Variants in RALGAPB observed in about 807,000 individuals in gnomAD.
The protein encoded by RALGAPB is ral GTPase-activating protein subunit beta.
Under a neutral mutation model 161.1 loss-of-function variants are expected in RALGAPB, and 25 were observed. That is an observed-to-expected ratio of 0.16 (90% CI 0.11 to 0.22). The LOEUF (loss-of-function observed/expected upper bound fraction) is 0.22. Among genes scored for constraint, RALGAPB ranks in the 10% least tolerant of loss-of-function variants. The pLI, the probability that RALGAPB is intolerant of heterozygous loss-of-function variation, is 1.00. For missense variants in RALGAPB, 1,391 were observed against 1,815.2 expected (o/e 0.77, Z 4.25); for synonymous variants, 629 against 626.1 (o/e 1.00, Z -0.07).
intron 28 of RALGAPB, among the ~76,000 whole-genome samples, chr20:38,571,179 T>G (rs1228189961): frequency 6.6e-6 from 1 of 152,140 alleles, no homozygotes; most frequent in Non-Finnish European, 1.5e-5. Context: ...TCTCCAGAAG[T>G]TTTCTCCTGC....
At position 38,513,453 on chromosome 20, in the gene RALGAPB, C is replaced by T. The variant is rs4811983; in HGVS notation, c.873-2739C>T. 9.0e-3 allele frequency among the ~76,000 whole-genome samples: 1,058 copies of T among 117,326 alleles called. 46 individuals are homozygous for T. The Admixed American group carries it at 0.096, about 11-fold the overall frequency. The allele number at this position is 117,326 out of a possible 152,430, so 77.0% of individuals were successfully genotyped here. On this transcript the variant is annotated intron_variant, in intron 6 of 29. Coordinates refer to ENST00000262879, the MANE Select transcript of RALGAPB (RefSeq NM_020336.4). ...GGGAAGCAGAGGTTGCACTCCAGCCCGGGCGACAGAGCGGCGGCGGTGGGG... is the reference window on the plus strand; with the variant it reads ...GGGAAGCAGAGGTTGCACTCCAGCCTGGGCGACAGAGCGGCGGCGGTGGGG...
At chr20:38,500,620 A>G (rs1414673280) in intron 5 of RALGAPB, among the ~76,000 whole-genome samples, 1 of 152,196 alleles carries the variant, frequency 6.6e-6, no homozygotes, top group African/African-American at 2.4e-5. Flanking sequence ...GAATAGTTGG[A>G]TGTCTCTCAC....
intron 1 of RALGAPB, among the ~76,000 whole-genome samples, chr20:38,481,278 T>C (rs1019268069): frequency 6.6e-6 from 1 of 152,190 alleles, no homozygotes; most frequent in Admixed American, 6.5e-5. Flanking sequence ...TTCTAACTTA[T>C]GTTATAGTTA....
chr20:38,566,980 G>A (rs1238552190), intron 25 of RALGAPB, 116 bp from the exon 26 acceptor site: 7 of 1,437,482 alleles, frequency 4.9e-6, no homozygotes, highest in East Asian at 2.4e-5. Flanking sequence ...CCTTGCTCTC[G>A]AAGCAATGCT....
At chr20:38,564,761 C>T (rs1363168902) in intron 24 of RALGAPB, among the ~76,000 whole-genome samples, 2 of 152,116 alleles carry the variant, frequency 1.3e-5, no homozygotes, top group Non-Finnish European at 1.5e-5. Flanking sequence ...CTTGAGGAGC[C>T]ATAGAGAGAG....
In RALGAPB at chr20:38,576,221, T is replaced by G. The variant is rs531321451; in HGVS notation, c.*1254T>G. The G allele has an allele frequency of 6.5e-6, 1 of 152,806 alleles. No homozygotes were observed. Among genetic ancestry groups the G allele is most frequent in the African/African-American group, 2.4e-5 (1 of 41,592 alleles). 9.5% of individuals were successfully genotyped at this position (152,806 alleles called of 1,614,324 possible). ...GCTCATTTATCCTATTCTCATGTGC[T>G]TTCTTCTTTAGTAAGATTATTTTAA... On this transcript the variant is annotated 3_prime_UTR_variant, in exon 30 of 30. Coordinates refer to ENST00000262879, the MANE Select transcript of RALGAPB (RefSeq NM_020336.4).
chr20:38,546,171 A>T, intron 18 of RALGAPB, 72 bp from the exon 19 acceptor site: 1 of 1,600,708 alleles, frequency 6.2e-7, no homozygotes, highest in Non-Finnish European at 8.5e-7. Context: ...GTGGAAGGGG[A>T]CACATTGATG....
At chr20:38,486,994 G>A (rs1023049861) in intron 1 of RALGAPB, among the ~76,000 whole-genome samples, 1 of 152,196 alleles carries the variant, frequency 6.6e-6, no homozygotes, top group Non-Finnish European at 1.5e-5. Flanking sequence ...TAATGAATGA[G>A]CTAATGGCAG....
At chr20:38,511,033 G>A (rs1045602645) in intron 6 of RALGAPB, among the ~76,000 whole-genome samples, 1 of 152,198 alleles carries the variant, frequency 6.6e-6, no homozygotes, top group Non-Finnish European at 1.5e-5. Flanking sequence ...CTCCATTAGG[G>A]CCTCAGTGTT....
intron 13 of RALGAPB, 110 bp from the exon 14 acceptor site, chr20:38,531,057 T>TGCTCAA: frequency 1.1e-6 from 1 of 933,264 alleles, no homozygotes; most frequent in Non-Finnish European, 1.6e-6. Flanking sequence ...ATTTCAGGAA[T>TGCTCAA]GCTCAACCAA....
chr20:38,515,995 G>T (rs952697849), intron 6 of RALGAPB, among the ~76,000 whole-genome samples, 197 bp from the exon 7 acceptor site: 4 of 152,128 alleles, frequency 2.6e-5, no homozygotes, highest in Non-Finnish European at 4.4e-5. Flanking sequence ...CTTGGAGTAG[G>T]CAATGTTCAT....
At chr20:38,538,318 G>T in intron 16 of RALGAPB, 1 of 210,566 alleles carries the variant, frequency 4.7e-6, no homozygotes. Context: ...AAGCTCATGC[G>T]TCCTGGGCCC....
At chr20:38,507,312 G>A (rs2085791251) in intron 5 of RALGAPB, among the ~76,000 whole-genome samples, 1 of 152,032 alleles carries the variant, frequency 6.6e-6, no homozygotes, top group African/African-American at 2.4e-5. Context: ...TAATGGTTTT[G>A]TAGTTTTCCA....
intron 9 of RALGAPB, among the ~76,000 whole-genome samples, chr20:38,520,463 T>G (rs779628837): frequency 2.0e-5 from 3 of 151,852 alleles, no homozygotes; most frequent in African/African-American, 4.8e-5. Flanking sequence ...AGTCCCATTA[T>G]TTCTGTATAC....
At chr20:38,527,664 G>C (rs2086513719) in intron 13 of RALGAPB, among the ~76,000 whole-genome samples, 1 of 152,142 alleles carries the variant, frequency 6.6e-6, no homozygotes, top group Non-Finnish European at 1.5e-5. Flanking sequence ...GAACACAGAG[G>C]GTGGTTTATG....
chr20:38,501,613 A>G (rs1210440825), intron 5 of RALGAPB, among the ~76,000 whole-genome samples: 1 of 152,148 alleles, frequency 6.6e-6, no homozygotes, highest in Non-Finnish European at 1.5e-5. Flanking sequence ...CATGTTGGCC[A>G]GTCTGGTCTC....
At chr20:38,504,480 C>A (rs1030486406) in intron 5 of RALGAPB, among the ~76,000 whole-genome samples, 1 of 152,104 alleles carries the variant, frequency 6.6e-6, no homozygotes, top group Non-Finnish European at 1.5e-5. Context: ...TATAAGAATA[C>A]TAGAAGAAAA....
Position 38,551,067 on chromosome 20 carries a change from A to G in RALGAPB, c.3010-4A>G. The G allele has an allele frequency of 1.2e-6, 2 of 1,613,600 alleles. No individual in the cohort carries two copies. The highest frequency in any genetic ancestry group is 8.5e-7 in the Non-Finnish European group (1 of 1,179,592). ...AATAAACATAATGTTACTTGTTTTAACAGCTTTTTGTACCTGAACCTCGCC... is the reference window on the plus strand; with the variant it reads ...AATAAACATAATGTTACTTGTTTTAGCAGCTTTTTGTACCTGAACCTCGCC... On this transcript the variant is annotated splice_region_variant and splice_polypyrimidine_tract_variant and intron_variant, in intron 20 of 29. Coordinates refer to ENST00000262879, the MANE Select transcript of RALGAPB (RefSeq NM_020336.4).
At chr20:38,492,596 CT>C (rs1267552124) in intron 2 of RALGAPB, among the ~76,000 whole-genome samples, 1 of 152,070 alleles carries the variant, frequency 6.6e-6, no homozygotes. Flanking sequence ...CTAAAATGTT[CT>C]ATTTTGCATA....
Sources: gnomAD v4.1 joint callset for allele counts (sites outside exome capture counted in the v4.1 genomes callset) on GRCh38, gnomAD v4.1.1 for gene constraint, MANE v1.5 for transcripts, NCBI Gene and HGNC (gene_info 2026-07-23, HGNC 2026-07-21) for gene names.